Variants in CLTB observed in about 807,000 individuals in gnomAD.
CLTB encodes clathrin light chain B.
Under a neutral mutation model 30.5 loss-of-function variants are expected in CLTB, and 10 were observed. That is an observed-to-expected ratio of 0.33 (90% CI 0.20 to 0.56). The LOEUF (loss-of-function observed/expected upper bound fraction) is 0.56, where lower values mean the gene tolerates loss of function less well. Ranked by LOEUF, CLTB falls within the 20% of genes least tolerant of loss-of-function variation. The probability of loss-of-function intolerance (pLI) is 0.91; values close to 1 mark genes in which losing one functional copy is unlikely to be tolerated. For synonymous variants in CLTB, 102 were observed against 120.3 expected (o/e 0.85, Z 1.00); for missense variants, 261 against 308.3 (o/e 0.85, Z 1.15).
At chr5:176,416,091 G>A (rs1372220917) in intron 1 of CLTB, 86 bp downstream of exon 1, 2 of 1,293,794 alleles carry the variant, frequency 1.5e-6, no homozygotes, top group African/African-American at 1.6e-5. Context: ...GCCTAGAGCA[G>A]GCTCTCTTCC....
intron 2 of CLTB, 24 bp downstream of exon 2, chr5:176,410,233 C>T (rs753333880): frequency 1.2e-6 from 2 of 1,611,954 alleles, no homozygotes; most frequent in South Asian, 2.2e-5. Flanking sequence ...GTCCTTACCA[C>T]TGCTGAGACA....
chr5:176,397,881 AC>A, intron 3 of CLTB, 48 bp downstream of exon 3: 1 of 1,534,978 alleles, frequency 6.5e-7, no homozygotes, highest in Non-Finnish European at 9.0e-7. Flanking sequence ...CCCACACTCC[AC>A]CCCACACACA....
chr5:176,403,741 G>A (rs548141692), intron 2 of CLTB, among the ~76,000 whole-genome samples: 5 of 142,302 alleles, frequency 3.5e-5, no homozygotes, highest in African/African-American at 7.9e-5. Context: ...CGTGAGCCAC[G>A]GTGCCCGGCC....
chr5:176,406,698 TGGTGC>T, intron 2 of CLTB: 1 of 1,288,134 alleles, frequency 7.8e-7, no homozygotes. Flanking sequence ...GACCCGCTGG[TGGTGC>T]ACGGGCTGCA....
chr5:176,416,370 C>CGCGCCTCCGCCG lies in CLTB; in HGVS notation c.-19_-8dup. On this transcript the variant is annotated 5_prime_UTR_variant, in exon 1 of 6. Transcript: ENST00000310418. ...AGCCAAAGTCATCAGCCATTTTCCCCGCGCCTCCGCCGGAGCCTCCGCTGC... is the reference window on the plus strand; with the variant it reads ...AGCCAAAGTCATCAGCCATTTTCCCCGCGCCTCCGCCGGCGCCTCCGCCGGAGCCTCCGCTGC... The CGCGCCTCCGCCG allele has an allele frequency of 6.3e-7, 1 of 1,583,762 alleles. No homozygotes were observed.
intron 2 of CLTB, among the ~76,000 whole-genome samples, chr5:176,399,658 C>T (rs545067075): frequency 6.6e-6 from 1 of 152,282 alleles, no homozygotes; most frequent in Non-Finnish European, 1.5e-5. Context: ...CTTTGGGAGG[C>T]CGAAGCGGGC....
At position 176,393,749 on chromosome 5, in the gene CLTB, G is replaced by A. The variant is rs1756362916; in HGVS notation, c.519-804C>T. Among the ~76,000 whole-genome samples, 1 of 152,190 alleles carries A rather than the reference G, an allele frequency of 6.6e-6. No homozygotes were observed. Among genetic ancestry groups the A allele is most frequent in the African/African-American group, 2.4e-5 (1 of 41,450 alleles). On this transcript the variant is annotated intron_variant, in intron 5 of 5. Transcript: ENST00000310418. This position sits in a 1 kb window ranked among gnomAD's most constrained non-coding sequence, Gnocchi z 4.4. Reference sequence around the variant, plus strand: ...CCTTCATCAGAAGTTCTGGTTGACAGTCACAGAAGCCACTGACTAAGGGAC... The same window carrying A: ...CCTTCATCAGAAGTTCTGGTTGACAATCACAGAAGCCACTGACTAAGGGAC...
chr5:176,396,984 C>T (rs1756555473), intron 4 of CLTB, among the ~76,000 whole-genome samples: 1 of 152,148 alleles, frequency 6.6e-6, no homozygotes, highest in African/African-American at 2.4e-5. Flanking sequence ...TAGTCATCTT[C>T]CAAAGCCCAA....
At chr5:176,397,390 C>T (rs1318714800) in intron 4 of CLTB, among the ~76,000 whole-genome samples, 3 of 142,336 alleles carry the variant, frequency 2.1e-5, no homozygotes, top group Admixed American at 7.0e-5. Context: ...CCCACAGCTC[C>T]CTCTCATGTC....
chr5:176,397,666 G>T lies in CLTB; in HGVS notation c.405C>A (p.Asp135Glu). Reference sequence around the variant, plus strand: ...TCTGGCGCTGGTTCCACTCCTCCAGGTCCTTCTTGGCCTTCTCCCGCCATT... The same window carrying T: ...TCTGGCGCTGGTTCCACTCCTCCAGTTCCTTCTTGGCCTTCTCCCGCCATT... ...EQEWREKAKK[D>E]LEEWNQRQSE... Residue 135 changes from aspartate (D) to glutamate (E), a missense_variant, in exon 4 of 6, where the codon GAC becomes GAA. Asp to Glu is a conservative substitution (Grantham distance 45). Transcript: ENST00000310418. 6.2e-7 allele frequency: 1 copy of T among 1,613,312 alleles called. No individual in the cohort carries two copies. The highest frequency in any genetic ancestry group is 8.5e-7 in the Non-Finnish European group (1 of 1,179,852).
rs149148884 is a variant in CLTB at position 176,392,927 on chromosome 5, G to A, written c.537C>T (p.Phe179=). Residue 179 remains phenylalanine, a synonymous_variant, in exon 6 of 6, where the codon TTC becomes TTT. Coordinates refer to ENST00000310418, the MANE Select transcript of CLTB (RefSeq NM_007097.5). This position sits in a 1 kb window ranked among gnomAD's most constrained non-coding sequence, Gnocchi z 5.2. ...IIGYVASEEA[F]VKESKEETPG... ...GGGTCTCCTCCTTGGATTCCTTCAC[G>A]AAAGCCTCCTCGGATGCCCTGCGGG... The A allele has an allele frequency of 7.6e-3, 12,261 of 1,614,114 alleles. 59 individuals carry two copies. The highest frequency in any genetic ancestry group is 8.6e-3 in the South Asian group (782 of 91,088).
At chr5:176,409,760 C>T (rs570899676) in intron 2 of CLTB, among the ~76,000 whole-genome samples, 1 of 152,176 alleles carries the variant, frequency 6.6e-6, no homozygotes, top group Non-Finnish European at 1.5e-5. Flanking sequence ...TCTATCTATT[C>T]AGTTCCCTGA....
chr5:176,396,735 CCTT>C (rs944063447), intron 4 of CLTB, among the ~76,000 whole-genome samples: 4 of 152,174 alleles, frequency 2.6e-5, no homozygotes, highest in African/African-American at 9.6e-5. Context: ...GGCCCCAGCA[CCTT>C]CTCTAAAATT....
At chr5:176,408,338 C>T (rs1200038206) in intron 2 of CLTB, among the ~76,000 whole-genome samples, 1 of 151,668 alleles carries the variant, frequency 6.6e-6, no homozygotes, top group East Asian at 1.9e-4. Flanking sequence ...AGTTCGAGAC[C>T]AGCCTGGCCA....
chr5:176,410,446 T>C (rs1325272099), intron 1 of CLTB, 143 bp from the exon 2 acceptor site: 2 of 634,730 alleles, frequency 3.2e-6, no homozygotes, highest in Non-Finnish European at 5.6e-6. Flanking sequence ...AATGGATATA[T>C]ATATAACTTA....
rs1052954008 is a variant in CLTB, at chr5:176,393,306, A to G, written c.519-361T>C. Among the ~76,000 whole-genome samples, 1 of 152,134 alleles carries G rather than the reference A, an allele frequency of 6.6e-6. No individual in the cohort carries two copies. The highest frequency in any genetic ancestry group is 2.4e-5 in the African/African-American group (1 of 41,426). ...GAGTTCCCAACCTGAGGTTCCTGAC[A>G]CCTAAAGACCCTTGGAGGTCCTAGG... On this transcript the variant is annotated intron_variant, in intron 5 of 5. Transcript: ENST00000310418. The surrounding 1 kb of genome is among the most constrained non-coding windows in gnomAD (Gnocchi z 4.4).
At chr5:176,406,311 G>A in intron 2 of CLTB, 2 of 1,068,498 alleles carry the variant, frequency 1.9e-6, no homozygotes, top group Non-Finnish European at 1.1e-6. Context: ...CGACAGTCAG[G>A]GCCAGGCTTG....
intron 2 of CLTB, among the ~76,000 whole-genome samples, chr5:176,400,934 T>C (rs2113646958): frequency 6.6e-6 from 1 of 152,208 alleles, no homozygotes; most frequent in East Asian, 1.9e-4. Flanking sequence ...ACATCAGGGC[T>C]ACAGTCTCCA....
rs370075554 is a variant in CLTB at position 176,397,585 on chromosome 5, C to T, written c.464+22G>A. 1.5e-3 allele frequency: 2,295 copies of T among 1,541,744 alleles called. 5 individuals are homozygous for T. Among genetic ancestry groups the T allele is most frequent in the Non-Finnish European group, 1.9e-3 (2,085 of 1,124,342 alleles). On this transcript the variant is annotated intron_variant, in intron 4 of 5. Coordinates refer to ENST00000310418, the MANE Select transcript of CLTB (RefSeq NM_007097.5). ...CCCCCTCATGTCCCCATGGCCCCCT[C>T]ATGTCCCTACAGCCCTCTCACCGGT...
Sources: gnomAD v4.1 joint callset for allele counts (sites outside exome capture counted in the v4.1 genomes callset) on GRCh38, gnomAD v4.1.1 for gene constraint, Gnocchi (gnomAD v3.1) non-coding constraint, MANE v1.5 for transcripts, NCBI Gene and HGNC (gene_info 2026-07-23, HGNC 2026-07-21) for gene names.